The following CDCP1 variants were observed in gnomAD, a reference collection of about 807,000 sequenced individuals.
CDCP1 encodes CUB domain containing protein 1.
Under a neutral mutation model 60.2 loss-of-function variants are expected in CDCP1, and 29 were observed. That is an observed-to-expected ratio of 0.48 (90% CI 0.36 to 0.66). The LOEUF is 0.66. Ranked by LOEUF, CDCP1 falls within the 30% of genes least tolerant of loss-of-function variation. CDCP1 has a pLI of 0.00. For missense variants in CDCP1, 876 were observed against 1,074.3 expected, an observed-to-expected ratio of 0.82 and a Z score of 2.58; for synonymous variants, 387 against 431.1, an observed-to-expected ratio of 0.90 and a Z score of 1.27.
chr3:45,131,549 T>C (rs994962852), intron 1 of CDCP1, among the ~76,000 whole-genome samples: 5 of 152,216 alleles, frequency 3.3e-5, no homozygotes, highest in African/African-American at 9.6e-5. Context: ...CTTGTCCTTT[T>C]GTATCTGGCT....
At position 45,084,024 on chromosome 3, in the gene CDCP1, A is replaced by G. The variant is rs549192050; in HGVS notation, c.*1614T>C. ...AGATTAATCCCAGTCTTTCTTTTTC[A>G]TTACAATAAATGCAACCTGCAGGGG... On this transcript the variant is annotated 3_prime_UTR_variant, in exon 9 of 9. Transcript: ENST00000296129. 6.6e-6 allele frequency: 1 copy of G among 152,146 alleles called. No individual in the cohort carries two copies. The highest frequency in any genetic ancestry group is 1.5e-5 in the Non-Finnish European group (1 of 68,018). The allele number at this position is 152,146 out of a possible 1,614,324, so 9.4% of individuals were successfully genotyped here. A position where few individuals can be genotyped will look rare whatever the true frequency, so the allele number is the denominator to read the frequency against.
intron 4 of CDCP1, among the ~76,000 whole-genome samples, chr3:45,108,663 G>A (rs1698613117): frequency 9.0e-6 from 1 of 110,702 alleles, no homozygotes; most frequent in Admixed American, 1.0e-4. Flanking sequence ...TGTCTCAATG[G>A]ATACACACAC....
chr3:45,087,304 G>C (rs1028585793), intron 8 of CDCP1, among the ~76,000 whole-genome samples: 1 of 152,180 alleles, frequency 6.6e-6, no homozygotes, highest in African/African-American at 2.4e-5. Flanking sequence ...CTTGGGCACG[G>C]ACAGGCCTTA....
intron 1 of CDCP1, among the ~76,000 whole-genome samples, chr3:45,143,861 C>T (rs755201358): frequency 2.0e-5 from 3 of 152,078 alleles, no homozygotes; most frequent in South Asian, 2.1e-4. Flanking sequence ...GACTCATCAG[C>T]GCTACCAGTT....
At chr3:45,135,309 A>C (rs948378769) in intron 1 of CDCP1, among the ~76,000 whole-genome samples, 1 of 151,986 alleles carries the variant, frequency 6.6e-6, no homozygotes, top group Admixed American at 6.6e-5. Flanking sequence ...AAAAAAAAAA[A>C]ACAAAAAACA....
At chr3:45,141,215 T>A (rs141687349) in intron 1 of CDCP1, among the ~76,000 whole-genome samples, 7 of 149,426 alleles carry the variant, frequency 4.7e-5, no homozygotes, top group African/African-American at 1.7e-4. Context: ...AAAAAAAGAA[T>A]GTCAGGATCA....
At chr3:45,113,055 A>C (rs944077798) in intron 2 of CDCP1, among the ~76,000 whole-genome samples, 1 of 152,208 alleles carries the variant, frequency 6.6e-6, no homozygotes, top group African/African-American at 2.4e-5. Flanking sequence ...GCCAGAAGGA[A>C]GGCATTTGTA....
At chr3:45,138,808 T>C (rs1699234422) in intron 1 of CDCP1, among the ~76,000 whole-genome samples, 1 of 151,996 alleles carries the variant, frequency 6.6e-6, no homozygotes, top group Non-Finnish European at 1.5e-5. Context: ...ATTGTGCCAT[T>C]GTACTCTAGC....
intron 1 of CDCP1, among the ~76,000 whole-genome samples, chr3:45,144,897 C>A (rs1219876403): frequency 6.6e-6 from 1 of 152,140 alleles, no homozygotes; most frequent in African/African-American, 2.4e-5. Context: ...GTAATCCCAG[C>A]ACTTTGGGAG....
intron 4 of CDCP1, among the ~76,000 whole-genome samples, chr3:45,101,265 A>C (rs1698481321): frequency 6.6e-6 from 1 of 152,234 alleles, no homozygotes; most frequent in Non-Finnish European, 1.5e-5. Context: ...ATATTTTAGA[A>C]CAAAAATGCA....
chr3:45,144,545 T>C (rs953553620), intron 1 of CDCP1, among the ~76,000 whole-genome samples: 4 of 152,202 alleles, frequency 2.6e-5, no homozygotes, highest in African/African-American at 7.2e-5. Context: ...AGGGACTCCA[T>C]TGGAGTTACT....
rs10688307 is a variant in CDCP1 at position 45,114,413 on chromosome 3, CT to C, written c.293-1969del. On this transcript the variant is annotated intron_variant, in intron 2 of 8. Coordinates refer to ENST00000296129, the MANE Select transcript of CDCP1 (RefSeq NM_022842.5). ...GCAGATTTCTAATTTCATTAACTCT[CT>C]TTTTTTTTTTTTTCTTTTTGGAGAT... Among the ~76,000 whole-genome samples the C allele has an allele frequency of 3.5e-3, 504 of 143,914 alleles. 6 individuals carry two copies. In the East Asian group the frequency reaches 0.043, roughly 12 times the overall value. 94.4% of individuals were successfully genotyped at this position (143,914 alleles called of 152,430 possible).
At chr3:45,138,064 C>T (rs1699219462) in intron 1 of CDCP1, among the ~76,000 whole-genome samples, 1 of 152,184 alleles carries the variant, frequency 6.6e-6, no homozygotes, top group African/African-American at 2.4e-5. Flanking sequence ...GCTGCAATCC[C>T]CAGGAGACCA....
chr3:45,130,036 C>CACACACACACACACAATATG (rs1553611294), intron 1 of CDCP1, among the ~76,000 whole-genome samples: 2 of 151,612 alleles, frequency 1.3e-5, no homozygotes, highest in African/African-American at 4.9e-5. Context: ...ACAAGACACA[C>CACACACACACACACAATATG]ACACACACAC....
At chr3:45,113,168 T>A (rs1698727848) in intron 2 of CDCP1, among the ~76,000 whole-genome samples, 1 of 152,194 alleles carries the variant, frequency 6.6e-6, no homozygotes, top group African/African-American at 2.4e-5. Context: ...TAAAACTGGT[T>A]TCCCCATCAA....
intron 4 of CDCP1, among the ~76,000 whole-genome samples, chr3:45,100,608 A>G (rs1447630735): frequency 6.6e-6 from 1 of 152,214 alleles, no homozygotes; most frequent in Non-Finnish European, 1.5e-5. Flanking sequence ...ATGAAATGTT[A>G]TACGATATTT....
rs1056738986 is a variant in CDCP1 at position 45,101,234 on chromosome 3, C to T, written c.1025-5666G>A. Among the ~76,000 whole-genome samples the T allele has an allele frequency of 5.9e-5, 9 of 152,210 alleles. 1 individual carries two copies. The South Asian group carries it at 1.9e-3, about 31-fold the overall frequency. ...GGTCAATGCAGTACCAAGTCTAATC[C>T]TCCCTCAGCAGGGGTGGTGAATATT... On this transcript the variant is annotated intron_variant, in intron 4 of 8. Coordinates refer to ENST00000296129, the MANE Select transcript of CDCP1 (RefSeq NM_022842.5).
intron 2 of CDCP1, among the ~76,000 whole-genome samples, chr3:45,114,440 G>C (rs1297071495): frequency 6.9e-6 from 1 of 144,942 alleles, no homozygotes; most frequent in East Asian, 2.0e-4. Flanking sequence ...TTTTGGAGAT[G>C]CAGTCTTGCT....
intron 1 of CDCP1, among the ~76,000 whole-genome samples, chr3:45,141,657 A>G (rs1457281608): frequency 6.6e-6 from 1 of 152,228 alleles, no homozygotes; most frequent in African/African-American, 2.4e-5. Flanking sequence ...CTGATGGACC[A>G]GATACAAACC....
Sources: gnomAD v4.1 joint callset for allele counts (sites outside exome capture counted in the v4.1 genomes callset) on GRCh38, gnomAD v4.1.1 for gene constraint, MANE v1.5 for transcripts, NCBI Gene and HGNC (gene_info 2026-07-23, HGNC 2026-07-21) for gene names.